Variants in CORO1C observed in about 807,000 individuals in gnomAD.
The protein encoded by CORO1C is coronin 1C.
In CORO1C, 14 loss-of-function variants were observed where a neutral mutation model predicts 51.2. The ratio of observed to expected loss-of-function variants is 0.27; its 90% CI spans 0.18 to 0.43. The LOEUF is 0.43. Ranked by LOEUF, CORO1C falls within the 20% of genes least tolerant of loss-of-function variation. The pLI is 1.00. For missense variants in CORO1C, 417 were observed against 607.8 expected (o/e 0.69, Z 3.30); for synonymous variants, 181 against 210.5 (o/e 0.86, Z 1.21).
intron 1 of CORO1C, among the ~76,000 whole-genome samples, chr12:108,710,281 G>C (rs1367598919): frequency 1.3e-5 from 2 of 152,150 alleles, no homozygotes; most frequent in Non-Finnish European, 2.9e-5. Flanking sequence ...CCCTCACCAA[G>C]TTTTCCAGGT....
At chr12:108,719,339 G>A (rs185884709) in intron 1 of CORO1C, among the ~76,000 whole-genome samples, 28 of 152,160 alleles carry the variant, frequency 1.8e-4, no homozygotes, top group African/African-American at 5.1e-4. Flanking sequence ...ACACACACAC[G>A]TATACACACA....
chr12:108,671,073 G>T (rs960809608), intron 3 of CORO1C, among the ~76,000 whole-genome samples: 57 of 151,810 alleles, frequency 3.8e-4, no homozygotes, highest in African/African-American at 1.4e-3. Context: ...TGGCTCACAC[G>T]TGTAATCCCA....
intron 2 of CORO1C, chr12:108,696,329 T>C (rs2034681128): frequency 6.6e-6 from 1 of 150,886 alleles, no homozygotes; most frequent in Non-Finnish European, 1.5e-5. Context: ...ATCAAGAGCA[T>C]ATAATTCTTA....
At chr12:108,710,691 G>C (rs2035155734) in intron 1 of CORO1C, among the ~76,000 whole-genome samples, 1 of 151,782 alleles carries the variant, frequency 6.6e-6, no homozygotes, top group South Asian at 2.1e-4. Context: ...AGCCTCCCGA[G>C]TAGCTGGGAC....
At chr12:108,654,752 G>C (rs1592847733) in intron 6 of CORO1C, among the ~76,000 whole-genome samples, 1 of 151,654 alleles carries the variant, frequency 6.6e-6, no homozygotes, top group East Asian at 1.9e-4. Context: ...GCCCAGGCTG[G>C]AGTGCAGTAG....
At chr12:108,660,633 C>T (rs948628159) in intron 4 of CORO1C, among the ~76,000 whole-genome samples, 1 of 152,052 alleles carries the variant, frequency 6.6e-6, no homozygotes, top group Non-Finnish European at 1.5e-5. Flanking sequence ...ATGCAGAACA[C>T]GACAATCACC....
Position 108,721,767 on chromosome 12 carries a change from TAGAC to T in CORO1C, c.-6+9658_-6+9661del, listed in dbSNP as rs777679248. Among the ~76,000 whole-genome samples, 22 of 151,942 alleles carry T rather than the reference TAGAC, an allele frequency of 1.4e-4. No individual in the cohort carries two copies. The East Asian group carries it at 2.1e-3, about 15-fold the overall frequency. On this transcript the variant is annotated intron_variant, in intron 1 of 10. Coordinates refer to ENST00000261401, the MANE Select transcript of CORO1C (RefSeq NM_014325.4). The stretch of plus-strand genomic sequence containing the variant: ...ATAAGTTTATAAAAGAATAGAAAAA[TAGAC>T]AGGACGAGTGCCCAGCTCTGGCCAT...
chr12:108,703,136 A>G, intron 1 of CORO1C: 1 of 499,060 alleles, frequency 2.0e-6, no homozygotes, highest in Non-Finnish European at 3.5e-6. Context: ...CCACTTCCCC[A>G]CACAACCATC....
intron 1 of CORO1C, among the ~76,000 whole-genome samples, chr12:108,715,542 C>A (rs3825252): frequency 0.057 from 8,630 of 152,032 alleles, 644 homozygotes; most frequent in East Asian, 0.25. Context: ...TAAACACAAC[C>A]ACCTCTTTTG....
At chr12:108,685,809 T>C (rs2034274812) in intron 2 of CORO1C, among the ~76,000 whole-genome samples, 1 of 152,006 alleles carries the variant, frequency 6.6e-6, no homozygotes, top group African/African-American at 2.4e-5. Flanking sequence ...CTGACAGTGA[T>C]AAAAGAACAA....
chr12:108,699,779 A>T (rs1011311924), intron 2 of CORO1C, among the ~76,000 whole-genome samples: 1 of 152,236 alleles, frequency 6.6e-6, no homozygotes, highest in Non-Finnish European at 1.5e-5. Context: ...TATCTAAATA[A>T]AAAATAAATT....
intron 1 of CORO1C, among the ~76,000 whole-genome samples, chr12:108,720,014 G>A (rs1319131643): frequency 6.6e-6 from 1 of 152,026 alleles, no homozygotes; most frequent in Non-Finnish European, 1.5e-5. Context: ...GTGAGACCCC[G>A]TCTCTACAAA....
intron 1 of CORO1C, among the ~76,000 whole-genome samples, chr12:108,724,856 G>A (rs2035551142): frequency 6.6e-6 from 1 of 152,132 alleles, no homozygotes; most frequent in Non-Finnish European, 1.5e-5. Flanking sequence ...GCAAACGGGA[G>A]GAACTGTATT....
chr12:108,696,956 T>C (rs2034707331), intron 2 of CORO1C, among the ~76,000 whole-genome samples: 1 of 152,254 alleles, frequency 6.6e-6, no homozygotes. Flanking sequence ...AAGCATACAT[T>C]CATTCTTAAG....
intron 3 of CORO1C, among the ~76,000 whole-genome samples, chr12:108,664,521 T>C (rs2033399868): frequency 6.6e-6 from 1 of 152,156 alleles, no homozygotes; most frequent in Admixed American, 6.5e-5. Context: ...ATAACAAAAA[T>C]AAACCTGCAT....
Position 108,708,005 on chromosome 12 carries a change from A to G in CORO1C, c.-5-6682T>C, listed in dbSNP as rs180997447. Among the ~76,000 whole-genome samples, 3 of 152,354 alleles carry G rather than the reference A, an allele frequency of 2.0e-5. No homozygotes were observed. The East Asian group carries it at 5.8e-4, about 29-fold the overall frequency. ...CAAGGGTTGATGAGAATATAGACAA[A>G]TCAGAACCCTCATACACTCCTGGTG... On this transcript the variant is annotated intron_variant, in intron 1 of 10. Coordinates refer to ENST00000261401, the MANE Select transcript of CORO1C (RefSeq NM_014325.4).
At chr12:108,703,097 G>A (rs1399124158) in intron 1 of CORO1C, 5 of 657,140 alleles carry the variant, frequency 7.6e-6, no homozygotes, top group African/African-American at 7.4e-5. Flanking sequence ...CTATACAAAA[G>A]CCAACGTACA....
intron 2 of CORO1C, among the ~76,000 whole-genome samples, chr12:108,696,038 T>C (rs1565926698): frequency 6.6e-6 from 1 of 151,898 alleles, no homozygotes; most frequent in Non-Finnish European, 1.5e-5. Flanking sequence ...CAGTTGTGTA[T>C]AAGAAAGTAC....
In CORO1C at chr12:108,663,841, A is replaced by G. The variant is rs1592864711; in HGVS notation, c.319-1683T>C. Among the ~76,000 whole-genome samples, 3 of 152,246 alleles carry G rather than the reference A, an allele frequency of 2.0e-5. 1 individual carries two copies. The highest frequency in any genetic ancestry group is 7.2e-5 in the African/African-American group (3 of 41,460). On this transcript the variant is annotated intron_variant, in intron 3 of 10. Coordinates refer to ENST00000261401, the MANE Select transcript of CORO1C (RefSeq NM_014325.4). ...TGAATTCTATGTGAATTATATCTCA[A>G]TAAAACTTGTTATTTAAGAAAATCC...
Sources: allele counts gnomAD v4.1 joint callset (sites outside exome capture counted in the v4.1 genomes callset), GRCh38; gene constraint gnomAD v4.1.1; transcripts MANE v1.5; gene names NCBI Gene and HGNC (gene_info 2026-07-23, HGNC 2026-07-21).